Variants in RASSF3 observed in about 807,000 individuals in gnomAD.
RASSF3 encodes the protein ras association domain-containing protein 3.
Under a neutral mutation model 19.9 loss-of-function variants are expected in RASSF3, and 19 were observed. The ratio of observed to expected loss-of-function variants is 0.96; its 90% CI spans 0.67 to 1.40. RASSF3 has a LOEUF of 1.40. RASSF3 is among the 40% of genes most tolerant of loss of function. The pLI is 0.00. For missense variants in RASSF3, 306 were observed against 289.8 expected (o/e 1.06, Z -0.41); for synonymous variants, 110 against 104.2 (o/e 1.06, Z -0.34).
intron 1 of RASSF3, among the ~76,000 whole-genome samples, chr12:64,638,120 G>GC (rs1871385690): frequency 6.6e-6 from 1 of 152,034 alleles, no homozygotes; most frequent in Non-Finnish European, 1.5e-5. Context: ...ATGAGCCTAC[G>GC]CCCCCGGCCT....
At chr12:64,515,038 A>T (rs1868353157) in intron 1 of RASSF3, among the ~76,000 whole-genome samples, 1 of 149,962 alleles carries the variant, frequency 6.7e-6, no homozygotes. Flanking sequence ...TTATTTATTT[A>T]TTTATCATTT....
At chr12:64,516,415 C>T (rs1019545797) in intron 1 of RASSF3, among the ~76,000 whole-genome samples, 9 of 148,450 alleles carry the variant, frequency 6.1e-5, no homozygotes, top group African/African-American at 2.2e-4. Flanking sequence ...GTCAGGAGAT[C>T]GAGACCATCC....
chr12:64,650,644 T>G (rs1871917937), intron 1 of RASSF3, among the ~76,000 whole-genome samples: 1 of 152,086 alleles, frequency 6.6e-6, no homozygotes, highest in Non-Finnish European at 1.5e-5. Context: ...CTCGAACTCC[T>G]GACCTTGTGA....
upstream of RASSF3, among the ~76,000 whole-genome samples, chr12:64,531,417 AT>A (rs1255689332): frequency 5.9e-5 from 9 of 152,028 alleles, no homozygotes; most frequent in Non-Finnish European, 1.0e-4. Context: ...TTGCTTTTTA[AT>A]TTTTTTATTA....
intron 2 of RASSF3, among the ~76,000 whole-genome samples, chr12:64,600,257 A>C (rs891065125): frequency 6.6e-6 from 1 of 152,030 alleles, no homozygotes; most frequent in Non-Finnish European, 1.5e-5. Flanking sequence ...GGAGTTCCAG[A>C]CCAGGCTGGG....
chr12:64,665,501 T>C (rs1872515531), intron 1 of RASSF3, among the ~76,000 whole-genome samples: 1 of 152,086 alleles, frequency 6.6e-6, no homozygotes, highest in African/African-American at 2.4e-5. Context: ...GGAACTTGAC[T>C]CCAGACCAGA....
At chr12:64,670,145 A>T (rs1872652318) in intron 1 of RASSF3, among the ~76,000 whole-genome samples, 1 of 151,820 alleles carries the variant, frequency 6.6e-6, no homozygotes, top group Non-Finnish European at 1.5e-5. Flanking sequence ...TCATCTCTGT[A>T]TGTGCAGTTG....
intron 2 of RASSF3, among the ~76,000 whole-genome samples, chr12:64,583,344 A>G (rs1869735312): frequency 6.6e-6 from 1 of 152,216 alleles, no homozygotes; most frequent in African/African-American, 2.4e-5. Context: ...ATACAAAAGC[A>G]AAGTCAGTGG....
intron 2 of RASSF3, among the ~76,000 whole-genome samples, chr12:64,602,710 A>G: frequency 6.6e-6 from 1 of 152,176 alleles, no homozygotes; most frequent in East Asian, 1.9e-4. Flanking sequence ...ACATAGTGAG[A>G]TCCAATCTCT....
At chr12:64,555,653 G>A (rs933310744) in intron 2 of RASSF3, among the ~76,000 whole-genome samples, 9 of 152,068 alleles carry the variant, frequency 5.9e-5, no homozygotes, top group Non-Finnish European at 1.2e-4. Flanking sequence ...GGAGGCTGAG[G>A]CAGGAGAATG....
chr12:64,542,113 C>A (rs1044690237), downstream of RASSF3, among the ~76,000 whole-genome samples: 1 of 151,708 alleles, frequency 6.6e-6, no homozygotes, highest in Non-Finnish European at 1.5e-5. Flanking sequence ...CCAACCTGGG[C>A]AACATGGTGA....
At chr12:64,513,452 G>GAA (rs67709932) in intron 1 of RASSF3, among the ~76,000 whole-genome samples, 2,569 of 114,090 alleles carry the variant, frequency 0.023, 88 homozygotes, top group African/African-American at 0.085. Flanking sequence ...CTCCATCTCA[G>GAA]AAAAAAAAAA....
chr12:64,638,579 CA>C (rs544521268), intron 1 of RASSF3, among the ~76,000 whole-genome samples: 250 of 111,550 alleles, frequency 2.2e-3, no homozygotes, highest in Admixed American at 2.6e-3. Flanking sequence ...GACTCCGTCT[CA>C]AAAAAAAAAA....
rs1206608257 is a variant in RASSF3, at chr12:64,515,335, A to G, written c.169+8006A>G. The stretch of plus-strand genomic sequence containing the variant: ...GCCTCCCAAAGGCATGATTACAGGC[A>G]TGAGCCACCACGCCTGGCCTAATTA... On this transcript the variant is annotated intron_variant, in intron 1 of 5. Coordinates refer to the RASSF3 transcript ENST00000637125. Among the ~76,000 whole-genome samples the G allele has an allele frequency of 2.6e-5, 4 of 152,174 alleles. No individual in the cohort carries two copies. In the East Asian group the frequency reaches 7.7e-4, roughly 29 times the overall value.
At chr12:64,620,668 T>C (rs912547775) in intron 1 of RASSF3, among the ~76,000 whole-genome samples, 1 of 152,214 alleles carries the variant, frequency 6.6e-6, no homozygotes, top group Non-Finnish European at 1.5e-5. Context: ...TAATTTTTGC[T>C]ACTGTAAATA....
At chr12:64,669,890 CAAAAA>C (rs35671310) in intron 1 of RASSF3, among the ~76,000 whole-genome samples, 2 of 106,700 alleles carry the variant, frequency 1.9e-5, no homozygotes, top group South Asian at 3.1e-4. Context: ...TGTAAATTAC[CAAAAA>C]AAAAAAAAAA....
chr12:64,679,957 A>G (rs570724565), intron 1 of RASSF3, among the ~76,000 whole-genome samples: 44 of 152,164 alleles, frequency 2.9e-4, no homozygotes, highest in Non-Finnish European at 4.9e-4. Flanking sequence ...TGCCATCACA[A>G]TGAAAGACCA....
At chr12:64,660,207 T>C (rs1203346154) in intron 1 of RASSF3, among the ~76,000 whole-genome samples, 1 of 152,096 alleles carries the variant, frequency 6.6e-6, no homozygotes, top group Non-Finnish European at 1.5e-5. Flanking sequence ...TGTGAGCTAC[T>C]GTGCCCATCC....
chr12:64,520,555 C>CATATATATATAT (rs66975333), intron 1 of RASSF3, among the ~76,000 whole-genome samples: 128 of 86,170 alleles, frequency 1.5e-3, no homozygotes, highest in Non-Finnish European at 1.5e-3. Context: ...CACATACACA[C>CATATATATATAT]ATATATATAT....
Sources: gnomAD v4.1 joint callset for allele counts (sites outside exome capture counted in the v4.1 genomes callset) on GRCh38, gnomAD v4.1.1 for gene constraint, MANE v1.5 for transcripts, NCBI Gene and HGNC (gene_info 2026-07-23, HGNC 2026-07-21) for gene names.